Variants in TENM2 observed in about 807,000 individuals in gnomAD.
The protein encoded by TENM2 is teneurin transmembrane protein 2.
TENM2 carries 52 observed loss-of-function variants against 245.2 expected under a neutral mutation model. That is an observed-to-expected ratio of 0.21 (90% CI 0.17 to 0.27). TENM2 has a LOEUF of 0.27. Ranked by LOEUF, TENM2 falls within the 10% of genes least tolerant of loss-of-function variation. The pLI is 1.00. For synonymous variants in TENM2, 1,363 were observed against 1,438.9 expected (o/e 0.95, Z 1.19); for missense variants, 3,046 against 3,666.8 (o/e 0.83, Z 4.37).
intron 2 of TENM2, among the ~76,000 whole-genome samples, chr5:167,535,662 ACAATGTT>A: frequency 6.6e-6 from 1 of 152,212 alleles, no homozygotes. Flanking sequence ...ATGTAAAGAC[ACAATGTT>A]CATCTCCTCT....
intron 2 of TENM2, among the ~76,000 whole-genome samples, chr5:167,641,000 C>T (rs77515811): frequency 1.3e-5 from 2 of 148,414 alleles, no homozygotes; most frequent in African/African-American, 2.5e-5. Context: ...AAATCCTGAC[C>T]GACCTCAGAC....
chr5:168,185,915 CATATATATATATATATAT>C (rs200942772), intron 13 of TENM2, among the ~76,000 whole-genome samples: 38 of 73,880 alleles, frequency 5.1e-4, no homozygotes, highest in Middle Eastern at 7.6e-3. Context: ...ACCAGACTGA[CATATATATATATATATAT>C]ATATATATAT....
intron 2 of TENM2, among the ~76,000 whole-genome samples, chr5:167,825,878 A>C (rs1053920628): frequency 6.6e-6 from 1 of 151,934 alleles, no homozygotes; most frequent in African/African-American, 2.4e-5. Flanking sequence ...AAAAAAAAAA[A>C]AACAACTGTG....
intron 2 of TENM2, among the ~76,000 whole-genome samples, chr5:167,597,800 C>T (rs1776325768): frequency 6.6e-6 from 1 of 152,170 alleles, no homozygotes; most frequent in Non-Finnish European, 1.5e-5. Context: ...AAATCTCTCC[C>T]ACCACACTAA....
At chr5:167,107,962 G>A in the TENM2 span, among the ~76,000 whole-genome samples, 16 of 152,230 alleles carry the variant, frequency 1.1e-4, no homozygotes, top group Non-Finnish European at 1.9e-4. Context: ...AGAAGACTCG[G>A]CCCACAGAGG....
At chr5:167,929,078 AAAGAAAG>A (rs1464061852) in intron 3 of TENM2, among the ~76,000 whole-genome samples, 20 of 94,180 alleles carry the variant, frequency 2.1e-4, no homozygotes, top group African/African-American at 9.7e-4. Context: ...AGAAAGAAAG[AAAGAAAG>A]AAAGAAAGAA....
At chr5:167,506,473 C>T (rs1464103038) in intron 2 of TENM2, among the ~76,000 whole-genome samples, 1 of 152,120 alleles carries the variant, frequency 6.6e-6, no homozygotes, top group African/African-American at 2.4e-5. Flanking sequence ...CATGTCAATA[C>T]TTTTTAGAAA....
chr5:167,000,309 A>G, the TENM2 span, among the ~76,000 whole-genome samples: 1 of 152,224 alleles, frequency 6.6e-6, no homozygotes, highest in Non-Finnish European at 1.5e-5. Context: ...TTGGATTGTT[A>G]GAAGTTTTCC....
chr5:167,569,872 G>A (rs1774157916), intron 2 of TENM2, among the ~76,000 whole-genome samples: 1 of 152,076 alleles, frequency 6.6e-6, no homozygotes, highest in Admixed American at 6.6e-5. Context: ...ACAAATTTCA[G>A]GGTGGGAATT....
At chr5:168,077,793 T>C (rs1791614215) in intron 7 of TENM2, among the ~76,000 whole-genome samples, 1 of 152,228 alleles carries the variant, frequency 6.6e-6, no homozygotes, top group Non-Finnish European at 1.5e-5. Flanking sequence ...TTCCATGGTG[T>C]ATATGTGCCA....
rs140290052 is a variant in TENM2 at position 168,066,844 on chromosome 5, G to A, written c.1515+4579G>A. ...ATTTGCTCAGCCCTGGTTCTAGAAA[G>A]GTAACAGACAGAAGAAAAAGAATAA... On this transcript the variant is annotated intron_variant, in intron 7 of 28. Transcript: ENST00000518659. 2.3e-3 allele frequency among the ~76,000 whole-genome samples: 344 copies of A among 152,270 alleles called. 2 individuals are homozygous for A. Among genetic ancestry groups the A allele is most frequent in the African/African-American group, 7.9e-3 (327 of 41,572 alleles).
intron 28 of TENM2, among the ~76,000 whole-genome samples, chr5:168,261,185 C>T (rs28664117): frequency 5.9e-5 from 9 of 152,256 alleles, no homozygotes; most frequent in African/African-American, 1.7e-4. Context: ...ACCTCCCAAA[C>T]GCAGCCTCTC....
At chr5:167,075,170 C>A in the TENM2 span, among the ~76,000 whole-genome samples, 1 of 152,076 alleles carries the variant, frequency 6.6e-6, no homozygotes, top group Admixed American at 6.6e-5. Flanking sequence ...CCTCTCCCAG[C>A]AAGTAACAGA....
intron 2 of TENM2, among the ~76,000 whole-genome samples, chr5:167,571,525 A>G (rs983657738): frequency 6.6e-6 from 1 of 152,114 alleles, no homozygotes; most frequent in Non-Finnish European, 1.5e-5. Context: ...TACTCAAGGT[A>G]TCTTAAATCA....
At chr5:167,889,515 A>G (rs987833848) in intron 3 of TENM2, among the ~76,000 whole-genome samples, 12 of 152,042 alleles carry the variant, frequency 7.9e-5, no homozygotes, top group South Asian at 2.1e-4. Flanking sequence ...GACCTTTTGC[A>G]TCTCCCTGGG....
intron 3 of TENM2, among the ~76,000 whole-genome samples, chr5:167,942,842 CAG>C (rs965411055): frequency 6.6e-6 from 1 of 152,154 alleles, no homozygotes; most frequent in Non-Finnish European, 1.5e-5. Context: ...CAGCAAAATC[CAG>C]AGAGTGCTCT....
At chr5:168,208,127 TC>T (rs1304502908) in intron 19 of TENM2, among the ~76,000 whole-genome samples, 4 of 152,230 alleles carry the variant, frequency 2.6e-5, no homozygotes, top group African/African-American at 9.6e-5. Context: ...CTTTTCTCCC[TC>T]CCCAGTTTTA....
At chr5:168,241,633 A>T (rs1192847239) in intron 25 of TENM2, among the ~76,000 whole-genome samples, 1 of 152,082 alleles carries the variant, frequency 6.6e-6, no homozygotes, top group African/African-American at 2.4e-5. Flanking sequence ...TTATAGAAAC[A>T]GCAATGGTTT....
At chr5:167,784,959 C>T (rs907258798) in intron 2 of TENM2, among the ~76,000 whole-genome samples, 1 of 128,746 alleles carries the variant, frequency 7.8e-6, no homozygotes, top group Admixed American at 7.8e-5. Flanking sequence ...TCATCTATAT[C>T]CTGTTGAATT....
Sources: allele counts gnomAD v4.1 joint callset (sites outside exome capture counted in the v4.1 genomes callset), GRCh38; gene constraint gnomAD v4.1.1; transcripts MANE v1.5; gene names NCBI Gene and HGNC (gene_info 2026-07-23, HGNC 2026-07-21).